Variants in SVEP1 observed in about 807,000 individuals in gnomAD.
SVEP1 encodes sushi, von Willebrand factor type A, EGF and pentraxin domain containing 1, also known as sushi, von Willebrand factor type A, EGF and pentraxin domain-containing protein 1.
In SVEP1, 164 loss-of-function variants were observed where a neutral mutation model predicts 367.3. That is an observed-to-expected ratio of 0.45 (90% CI 0.39 to 0.51). The LOEUF (loss-of-function observed/expected upper bound fraction) is 0.51, where lower values mean the gene tolerates loss of function less well. Among genes scored for constraint, SVEP1 ranks in the 20% least tolerant of loss-of-function variants. The pLI is 0.00. For missense variants in SVEP1, 4,117 were observed against 4,425.3 expected (o/e 0.93, Z 1.98); for synonymous variants, 1,666 against 1,611.6 (o/e 1.03, Z -0.81).
At chr9:110,501,714 A>G (rs185043323) in intron 6 of SVEP1, among the ~76,000 whole-genome samples, 1 of 152,300 alleles carries the variant, frequency 6.6e-6, no homozygotes, top group East Asian at 1.9e-4. Flanking sequence ...ATTGAGTTAT[A>G]TCAATATGAG....
intron 10 of SVEP1, among the ~76,000 whole-genome samples, chr9:110,483,243 T>C (rs1386928246): frequency 1.3e-5 from 2 of 152,188 alleles, no homozygotes; most frequent in East Asian, 1.9e-4. Context: ...TCTGAATATA[T>C]AGATGTGCAG....
chr9:110,390,085 AT>A, intron 40 of SVEP1, among the ~76,000 whole-genome samples: 1 of 89,104 alleles, frequency 1.1e-5, no homozygotes. Flanking sequence ...ATACGTGTAT[AT>A]ATACACATAC....
chr9:110,573,566 A>ATT (rs202223190), intron 1 of SVEP1, among the ~76,000 whole-genome samples: 26 of 148,490 alleles, frequency 1.8e-4, no homozygotes, highest in South Asian at 2.1e-4. Context: ...AGGAAAGCAG[A>ATT]TTTTTTTTTT....
At chr9:110,395,441 C>T (rs1441022788) in intron 40 of SVEP1, among the ~76,000 whole-genome samples, 1 of 152,154 alleles carries the variant, frequency 6.6e-6, no homozygotes, top group African/African-American at 2.4e-5. Flanking sequence ...GAAACTGCAT[C>T]AACTAACAAG....
chr9:110,522,019 A>T (rs1829882363), intron 3 of SVEP1, among the ~76,000 whole-genome samples: 1 of 152,206 alleles, frequency 6.6e-6, no homozygotes, highest in South Asian at 2.1e-4. Context: ...GGAATATTAA[A>T]TTTTTAAACT....
chr9:110,489,550 A>G (rs947168486), intron 9 of SVEP1, 100 bp downstream of exon 9: 14 of 1,176,974 alleles, frequency 1.2e-5, no homozygotes, highest in South Asian at 1.6e-5. Flanking sequence ...CTATGATTCA[A>G]TTACCTCCCA....
At chr9:110,430,097 T>C in intron 33 of SVEP1, 93 bp from the exon 34 acceptor site, 1 of 1,400,408 alleles carries the variant, frequency 7.1e-7, no homozygotes, top group South Asian at 1.3e-5. Context: ...TTTTTTTGTT[T>C]GTTTGTTTTC....
chr9:110,392,590 T>C (rs1222444046), intron 40 of SVEP1, among the ~76,000 whole-genome samples: 1 of 152,206 alleles, frequency 6.6e-6, no homozygotes, highest in African/African-American at 2.4e-5. Context: ...TTAAATTCTA[T>C]TTTATCACTA....
At chr9:110,512,223 T>C (rs1829728927) in intron 5 of SVEP1, among the ~76,000 whole-genome samples, 1 of 152,144 alleles carries the variant, frequency 6.6e-6, no homozygotes, top group South Asian at 2.1e-4. Flanking sequence ...CAAGTCCCTT[T>C]GCTCGCCCCC....
At chr9:110,494,023 C>T (rs557670993) in intron 8 of SVEP1, among the ~76,000 whole-genome samples, 1 of 152,254 alleles carries the variant, frequency 6.6e-6, no homozygotes, top group African/African-American at 2.4e-5. Flanking sequence ...GCTCTGTAAC[C>T]ACAGCTGGGA....
chr9:110,400,758 C>G lies in SVEP1; in HGVS notation c.9822+96G>C, dbSNP rs1256885744. ...CAAAGTATAATAGAATCTTTTGAGA[C>G]CAAAGTCAGTAAAACAAATTTGTGC... On this transcript the variant is annotated intron_variant, in intron 40 of 47. Coordinates refer to ENST00000374469, the MANE Select transcript of SVEP1 (RefSeq NM_153366.4). 5.3e-6 allele frequency: 7 copies of G among 1,320,708 alleles called. No homozygotes were observed. The African/African-American group carries it at 6.0e-5, about 11-fold the overall frequency. 81.8% of individuals were successfully genotyped at this position (1,320,708 alleles called of 1,614,324 possible). A position where few individuals can be genotyped will look rare whatever the true frequency, so the allele number is the denominator to read the frequency against.
intron 30 of SVEP1, 55 bp downstream of exon 30, chr9:110,434,281 A>G (rs1828398104): frequency 2.0e-6 from 3 of 1,527,704 alleles, no homozygotes; most frequent in African/African-American, 2.7e-5. Flanking sequence ...GAAAAGAGTT[A>G]TGTTTTCAAT....
At chr9:110,486,651 C>T (rs1829282403) in intron 9 of SVEP1, among the ~76,000 whole-genome samples, 1 of 77,832 alleles carries the variant, frequency 1.3e-5, no homozygotes, top group Non-Finnish European at 2.7e-5. Context: ...CTCTCTCTCT[C>T]TCTCTTTTTT....
Position 110,549,951 on chromosome 9 carries a change from G to C in SVEP1, c.685C>G (p.Arg229Gly), listed in dbSNP as rs61751937. The change falls in exon 2 of 48, where the codon CGA becomes GGA. Residue 229 changes from arginine to glycine, a missense_variant. Coordinates refer to ENST00000374469, the MANE Select transcript of SVEP1 (RefSeq NM_153366.4). Reference sequence around the variant, plus strand: ...GTGGAAGCCATGTCATTCAGCTCTCGAATGTTCCCTTGCCATATGCCAAAA... The same window carrying C: ...GTGGAAGCCATGTCATTCAGCTCTCCAATGTTCCCTTGCCATATGCCAAAA... Reference protein sequence around the residue: ...FTFGIWQGNIRELNDMASTPK... With the variant: ...FTFGIWQGNIGELNDMASTPK... 43,938 of 1,613,934 alleles carry C rather than the reference G, an allele frequency of 0.027. 668 individuals carry two copies. The highest frequency in any genetic ancestry group is 0.037 in the Middle Eastern group (227 of 6,062).
intron 40 of SVEP1, among the ~76,000 whole-genome samples, chr9:110,393,516 C>G (rs1012235230): frequency 4.6e-5 from 7 of 152,164 alleles, no homozygotes; most frequent in African/African-American, 1.7e-4. Flanking sequence ...GAGTGCCAGA[C>G]AGTGGGTGCA....
chr9:110,525,988 G>A (rs1329490757), intron 3 of SVEP1, among the ~76,000 whole-genome samples: 1 of 152,016 alleles, frequency 6.6e-6, no homozygotes, highest in Non-Finnish European at 1.5e-5. Flanking sequence ...ACATCCGTAA[G>A]TACAATAATT....
At chr9:110,372,969 A>G (rs1827300064) in intron 46 of SVEP1, among the ~76,000 whole-genome samples, 1 of 152,220 alleles carries the variant, frequency 6.6e-6, no homozygotes, top group Non-Finnish European at 1.5e-5. Flanking sequence ...CTGGAGGGAC[A>G]TGGAGACAAG....
At position 110,532,816 on chromosome 9, in the gene SVEP1, T is replaced by G. The variant is rs1265678657; in HGVS notation, c.964+13299A>C. Reference sequence around the variant, plus strand: ...AGGTAATAGTAGCTCTTTCCAGCTATGACAACCAAAGTTTCCTCCAGAAAC... The same window carrying G: ...AGGTAATAGTAGCTCTTTCCAGCTAGGACAACCAAAGTTTCCTCCAGAAAC... On this transcript the variant is annotated intron_variant, in intron 3 of 47. Transcript: ENST00000374469. Among the ~76,000 whole-genome samples the G allele has an allele frequency of 2.6e-5, 4 of 152,056 alleles. No homozygotes were observed. In the South Asian group the frequency reaches 6.2e-4, roughly 24 times the overall value.
At chr9:110,572,990 T>C (rs892948553) in intron 1 of SVEP1, among the ~76,000 whole-genome samples, 7 of 151,994 alleles carry the variant, frequency 4.6e-5, no homozygotes, top group Admixed American at 3.9e-4. Context: ...TAGGGATGAT[T>C]TGAGAATTCT....
Sources: gnomAD v4.1 joint callset for allele counts (sites outside exome capture counted in the v4.1 genomes callset) on GRCh38, gnomAD v4.1.1 for gene constraint, MANE v1.5 for transcripts, NCBI Gene and HGNC (gene_info 2026-07-23, HGNC 2026-07-21) for gene names.